ELMO1: variants seen among roughly 807,000 people sequenced by gnomAD.
The protein encoded by ELMO1 is engulfment and cell motility 1.
In ELMO1, 26 loss-of-function variants were observed where a neutral mutation model predicts 98.9. That is an observed-to-expected ratio of 0.26 (90% CI 0.19 to 0.36). The LOEUF (loss-of-function observed/expected upper bound fraction) is 0.36. ELMO1 is among the 10% of genes least tolerant of loss of function. The pLI is 1.00. For synonymous variants in ELMO1, 346 were observed against 346.0 expected (o/e 1.00, Z 0.00); for missense variants, 627 against 935.2 (o/e 0.67, Z 4.30).
chr7:37,430,064 C>A (rs973954453), intron 1 of ELMO1, among the ~76,000 whole-genome samples: 3 of 152,166 alleles, frequency 2.0e-5, no homozygotes, highest in African/African-American at 7.2e-5. Context: ...TTATAAATAG[C>A]TGAGAAAAAT....
At chr7:37,122,675 C>A (rs1786153150) in intron 14 of ELMO1, among the ~76,000 whole-genome samples, 1 of 152,148 alleles carries the variant, frequency 6.6e-6, no homozygotes, top group Non-Finnish European at 1.5e-5. Flanking sequence ...GACTCCCACA[C>A]AATAATAATG....
At chr7:36,899,700 T>TTTTTTTTTA (rs60221089) in intron 16 of ELMO1, among the ~76,000 whole-genome samples, 7 of 143,542 alleles carry the variant, frequency 4.9e-5, no homozygotes, top group African/African-American at 1.6e-4. Context: ...TTTTTTTTTT[T>TTTTTTTTTA]ACCACTCCTA....
chr7:36,961,060 G>A (rs868381713), intron 16 of ELMO1, among the ~76,000 whole-genome samples: 2 of 152,054 alleles, frequency 1.3e-5, no homozygotes, highest in East Asian at 1.9e-4. Flanking sequence ...CTAAACTGGC[G>A]CAAGACCAAG....
At chr7:37,267,446 G>A (rs576596593) in intron 5 of ELMO1, among the ~76,000 whole-genome samples, 11 of 151,308 alleles carry the variant, frequency 7.3e-5, no homozygotes, top group East Asian at 2.0e-4. Flanking sequence ...TTGGGCGCGC[G>A]CACGCGTGTG....
chr7:36,943,926 CACA>C (rs1787261196), intron 16 of ELMO1, among the ~76,000 whole-genome samples: 1 of 152,090 alleles, frequency 6.6e-6, no homozygotes. Flanking sequence ...TTAGGAAAAT[CACA>C]ACAATAGGGC....
intron 2 of ELMO1, among the ~76,000 whole-genome samples, chr7:37,328,230 A>C (rs1370174946): frequency 6.6e-6 from 1 of 151,976 alleles, no homozygotes; most frequent in African/African-American, 2.4e-5. Flanking sequence ...AAAAATACAA[A>C]AAGTTAGCCG....
At chr7:37,349,110 G>A (rs1057072179) in intron 1 of ELMO1, among the ~76,000 whole-genome samples, 1 of 152,136 alleles carries the variant, frequency 6.6e-6, no homozygotes, top group African/African-American at 2.4e-5. Context: ...TGGAGGCCAG[G>A]GCAGATCAAT....
At chr7:37,007,296 T>G (rs1212157538) in intron 16 of ELMO1, among the ~76,000 whole-genome samples, 2 of 152,196 alleles carry the variant, frequency 1.3e-5, no homozygotes, top group African/African-American at 4.8e-5. Context: ...ATGTTTCAAT[T>G]AAAACATACA....
intron 19 of ELMO1, among the ~76,000 whole-genome samples, chr7:36,874,650 G>A (rs905133351): frequency 2.0e-5 from 3 of 152,216 alleles, no homozygotes; most frequent in Admixed American, 2.0e-4. Context: ...ATCTCCACAT[G>A]GGCAGGGTGA....
chr7:37,398,401 C>T (rs1223278859), intron 1 of ELMO1, among the ~76,000 whole-genome samples: 1 of 152,186 alleles, frequency 6.6e-6, no homozygotes, highest in African/African-American at 2.4e-5. Flanking sequence ...ACTGCATTGT[C>T]TTTCTTTTGA....
At chr7:37,100,689 A>G (rs1026565882) in intron 14 of ELMO1, among the ~76,000 whole-genome samples, 8 of 152,014 alleles carry the variant, frequency 5.3e-5, no homozygotes, top group Non-Finnish European at 1.0e-4. Context: ...CTTCTCTTCC[A>G]CTGTGAACCT....
At chr7:36,895,644 AAAG>A (rs1394447177) in intron 16 of ELMO1, among the ~76,000 whole-genome samples, 9 of 152,328 alleles carry the variant, frequency 5.9e-5, no homozygotes, top group East Asian at 1.9e-4. Flanking sequence ...CTTCAAGAAA[AAAG>A]AAGAATACTG....
chr7:36,999,769 CTTT>C (rs966414297), intron 16 of ELMO1, among the ~76,000 whole-genome samples: 3 of 152,026 alleles, frequency 2.0e-5, no homozygotes, highest in African/African-American at 7.3e-5. Context: ...TCCATGTCAT[CTTT>C]GTGTGTGTGT....
At chr7:36,879,822 A>G (rs914831822) in intron 18 of ELMO1, among the ~76,000 whole-genome samples, 2 of 152,242 alleles carry the variant, frequency 1.3e-5, no homozygotes, top group Non-Finnish European at 2.9e-5. Context: ...TATACCAAAC[A>G]TGGGTCATTT....
chr7:36,930,551 T>A (rs1785953212), intron 16 of ELMO1, among the ~76,000 whole-genome samples: 1 of 152,378 alleles, frequency 6.6e-6, no homozygotes, highest in East Asian at 1.9e-4. Flanking sequence ...TGTGCTCTGT[T>A]ACTCACTCCT....
At chr7:36,933,721 A>G (rs1051976009) in intron 16 of ELMO1, among the ~76,000 whole-genome samples, 2 of 152,150 alleles carry the variant, frequency 1.3e-5, no homozygotes, top group Non-Finnish European at 2.9e-5. Flanking sequence ...AGCAGGCAGA[A>G]GTTGGAGAGG....
At chr7:37,293,092 T>TGG (rs767923990) in intron 4 of ELMO1, among the ~76,000 whole-genome samples, 2 of 7,218 alleles carry the variant, frequency 2.8e-4, no homozygotes, top group African/African-American at 3.5e-4. Flanking sequence ...GGGAGGGAGG[T>TGG]GGGGGGGGGT....
In ELMO1 at chr7:36,985,858, A is replaced by G; in HGVS notation, c.1437+27441T>C. 3.1e-6 allele frequency: 3 copies of G among 979,984 alleles called. No individual in the cohort carries two copies. The South Asian group carries it at 1.4e-4, about 47-fold the overall frequency. 60.7% of individuals were successfully genotyped at this position (979,984 alleles called of 1,614,324 possible). ...CAGTTTTCTCGGCAGACAATAGGAC[A>G]AAGCTACATTTAGCTCAGGCTGATA... is the stretch of plus-strand genomic sequence containing the variant. On this transcript the variant is annotated intron_variant, in intron 16 of 21. Transcript: ENST00000310758.
At chr7:37,305,786 A>G (rs1798582786) in intron 4 of ELMO1, among the ~76,000 whole-genome samples, 1 of 152,264 alleles carries the variant, frequency 6.6e-6, no homozygotes, top group Non-Finnish European at 1.5e-5. Context: ...GCTGGAATAT[A>G]CAGTTTTTGA....
Sources: gnomAD v4.1 joint callset for allele counts (sites outside exome capture counted in the v4.1 genomes callset) on GRCh38, gnomAD v4.1.1 for gene constraint, MANE v1.5 for transcripts, NCBI Gene and HGNC (gene_info 2026-07-23, HGNC 2026-07-21) for gene names.